SBF2: variants seen among roughly 807,000 people sequenced by gnomAD.
SBF2 encodes the protein SET binding factor 2.
SBF2 carries 112 observed loss-of-function variants against 225.2 expected under a neutral mutation model. That is an observed-to-expected ratio of 0.50 (90% confidence interval 0.43 to 0.58). The LOEUF is 0.58. Ranked by LOEUF, SBF2 falls within the 20% of genes least tolerant of loss-of-function variation. The pLI, the probability that SBF2 is intolerant of heterozygous loss-of-function variation, is 0.00. For missense variants in SBF2, 1,996 were observed against 2,206.2 expected (o/e 0.90, Z 1.91); for synonymous variants, 763 against 773.3 (o/e 0.99, Z 0.22).
At chr11:9,873,402 G>A (rs1402626369) in intron 17 of SBF2, among the ~76,000 whole-genome samples, 2 of 152,122 alleles carry the variant, frequency 1.3e-5, no homozygotes, top group Non-Finnish European at 2.9e-5. Flanking sequence ...TATGGTGTAT[G>A]CTGCTAACTT....
At chr11:10,113,702 A>T (rs1229397673) in intron 2 of SBF2, among the ~76,000 whole-genome samples, 1 of 152,112 alleles carries the variant, frequency 6.6e-6, no homozygotes, top group Non-Finnish European at 1.5e-5. Flanking sequence ...ACTCAGAAAA[A>T]TTATTCAATT....
At chr11:10,054,900 T>A (rs1041766025) in intron 2 of SBF2, among the ~76,000 whole-genome samples, 1 of 151,980 alleles carries the variant, frequency 6.6e-6, no homozygotes, top group Non-Finnish European at 1.5e-5. Flanking sequence ...TGCATGTTTT[T>A]TTTTTGTTTT....
chr11:9,884,173 A>C (rs1860062139), intron 17 of SBF2, among the ~76,000 whole-genome samples: 1 of 152,200 alleles, frequency 6.6e-6, no homozygotes, highest in Non-Finnish European at 1.5e-5. Flanking sequence ...GGTCCAGGTC[A>C]AAGGATTAGA....
At chr11:10,176,886 CA>C (rs1956490197) in intron 2 of SBF2, among the ~76,000 whole-genome samples, 1 of 151,958 alleles carries the variant, frequency 6.6e-6, no homozygotes, top group African/African-American at 2.4e-5. Context: ...GAGACACAAC[CA>C]AAAAAGAAAA....
intron 1 of SBF2, among the ~76,000 whole-genome samples, chr11:10,232,171 G>A (rs1369729155): frequency 6.6e-6 from 1 of 152,194 alleles, no homozygotes; most frequent in Non-Finnish European, 1.5e-5. Context: ...ACAGTATTAG[G>A]GTGGGAGTGA....
intron 2 of SBF2, among the ~76,000 whole-genome samples, chr11:10,130,336 T>C (rs989317208): frequency 1.3e-5 from 2 of 151,626 alleles, no homozygotes; most frequent in African/African-American, 4.9e-5. Flanking sequence ...TACTCCAGCC[T>C]GGGTGACAGA....
At chr11:10,151,535 T>C (rs908696398) in intron 2 of SBF2, among the ~76,000 whole-genome samples, 5 of 152,216 alleles carry the variant, frequency 3.3e-5, no homozygotes, top group African/African-American at 1.2e-4. Flanking sequence ...GTTAATCTGA[T>C]TACTCCAACT....
At chr11:9,851,323 G>A (rs1856937171) in intron 21 of SBF2, among the ~76,000 whole-genome samples, 1 of 152,096 alleles carries the variant, frequency 6.6e-6, no homozygotes, top group Admixed American at 6.6e-5. Context: ...AGTATAGGGA[G>A]GACTGCAGGG....
At chr11:9,852,919 G>T (rs1204837667) in intron 20 of SBF2, among the ~76,000 whole-genome samples, 170 bp from the exon 21 acceptor site, 1 of 152,068 alleles carries the variant, frequency 6.6e-6, no homozygotes, top group Non-Finnish European at 1.5e-5. Flanking sequence ...ATACCCAAAA[G>T]AAATGAAAGG....
At chr11:9,938,139 A>C (rs1423278757) in intron 16 of SBF2, among the ~76,000 whole-genome samples, 1 of 151,986 alleles carries the variant, frequency 6.6e-6, no homozygotes, top group Non-Finnish European at 1.5e-5. Flanking sequence ...AAAATACAAA[A>C]AATTAGCCGG....
At chr11:10,168,653 T>C (rs1259572478) in intron 2 of SBF2, among the ~76,000 whole-genome samples, 1 of 152,220 alleles carries the variant, frequency 6.6e-6, no homozygotes, top group African/African-American at 2.4e-5. Context: ...TCTAAAAGAA[T>C]CTGTAGTTAA....
intron 2 of SBF2, among the ~76,000 whole-genome samples, chr11:10,058,049 C>T (rs1290285361): frequency 1.3e-5 from 2 of 152,210 alleles, no homozygotes; most frequent in African/African-American, 2.4e-5. Flanking sequence ...AACACCCACA[C>T]ACAGAGATGA....
intron 24 of SBF2, 35 bp downstream of exon 24, chr11:9,845,529 GA>G (rs1484496262): frequency 6.3e-7 from 1 of 1,584,504 alleles, no homozygotes. Flanking sequence ...TCAATTACGG[GA>G]GGGCTGAAAT....
intron 17 of SBF2, among the ~76,000 whole-genome samples, chr11:9,862,203 C>CT (rs1024287495): frequency 6.6e-6 from 1 of 152,188 alleles, no homozygotes; most frequent in Non-Finnish European, 1.5e-5. Context: ...TGCAGTTTGC[C>CT]TTCTTTCTTT....
At chr11:9,817,853 G>A (rs1273147917) in intron 28 of SBF2, among the ~76,000 whole-genome samples, 2 of 151,818 alleles carry the variant, frequency 1.3e-5, no homozygotes, top group Non-Finnish European at 2.9e-5. Flanking sequence ...CCAAGATAGC[G>A]CCACTGCGCT....
chr11:9,823,490 C>A, intron 28 of SBF2, among the ~76,000 whole-genome samples: 1 of 145,482 alleles, frequency 6.9e-6, no homozygotes, highest in African/African-American at 2.6e-5. Flanking sequence ...GGAAGAAGAA[C>A]TAGGGGTTAG....
At chr11:10,066,853 G>A (rs1423980930) in intron 2 of SBF2, among the ~76,000 whole-genome samples, 2 of 152,316 alleles carry the variant, frequency 1.3e-5, no homozygotes, top group East Asian at 1.9e-4. Context: ...TCTACAAAGA[G>A]TGTCTAGAAC....
chr11:10,104,259 G>A (rs913022240), intron 2 of SBF2, among the ~76,000 whole-genome samples: 3 of 152,030 alleles, frequency 2.0e-5, no homozygotes, highest in Non-Finnish European at 4.4e-5. Flanking sequence ...ATCTATCCTG[G>A]AAAATGTTCC....
At chr11:9,913,133 AAT>A (rs2134193958) in intron 16 of SBF2, among the ~76,000 whole-genome samples, 1 of 152,188 alleles carries the variant, frequency 6.6e-6, no homozygotes, top group East Asian at 1.9e-4. Flanking sequence ...AAAATACAAA[AAT>A]TACCTCGGTG....
Sources: allele counts gnomAD v4.1 joint callset (sites outside exome capture counted in the v4.1 genomes callset), GRCh38; gene constraint gnomAD v4.1.1; transcripts MANE v1.5; gene names NCBI Gene and HGNC (gene_info 2026-07-23, HGNC 2026-07-21).